The following BBS9 variants were observed in gnomAD, a reference collection of about 807,000 sequenced individuals.
BBS9 encodes Bardet-Biedl syndrome 9, also known as protein PTHB1.
In BBS9, 89 loss-of-function variants were observed where a neutral mutation model predicts 117.7. The ratio of observed to expected loss-of-function variants is 0.76; its 90% CI spans 0.64 to 0.90. BBS9 has a LOEUF of 0.90. Ranked by LOEUF, BBS9 falls within the 40% of genes least tolerant of loss-of-function variation. The pLI, the probability that BBS9 is intolerant of heterozygous loss-of-function variation, is 0.00. For missense variants in BBS9, 982 were observed against 1,042.2 expected, an observed-to-expected ratio of 0.94 and a Z score of 0.80; for synonymous variants, 379 against 370.9, an observed-to-expected ratio of 1.02 and a Z score of -0.25.
chr7:33,166,960 G>C (rs774199315), intron 4 of BBS9, among the ~76,000 whole-genome samples: 1 of 152,186 alleles, frequency 6.6e-6, no homozygotes. Context: ...CCCGTCTTCT[G>C]TGTCAGTCAC....
rs887600883 is a variant in BBS9 at position 33,303,760 on chromosome 7, C to T, written c.1016+29804C>T. Among the ~76,000 whole-genome samples, 13 of 152,168 alleles carry T rather than the reference C, an allele frequency of 8.5e-5. No homozygotes were observed. In the East Asian group the frequency reaches 1.2e-3, roughly 14 times the overall value. On this transcript the variant is annotated intron_variant, in intron 9 of 22. Coordinates refer to ENST00000242067, the MANE Select transcript of BBS9 (RefSeq NM_198428.3). Reference sequence around the variant, plus strand: ...CTGACCTCGAGTGATCTGCCTGCCTCGGACTCCCGAGGTGCTGGGATTGCA... The same window carrying T: ...CTGACCTCGAGTGATCTGCCTGCCTTGGACTCCCGAGGTGCTGGGATTGCA...
intron 1 of BBS9, among the ~76,000 whole-genome samples, chr7:33,138,765 G>C (rs1045030597): frequency 1.4e-4 from 20 of 146,092 alleles, no homozygotes; most frequent in Admixed American, 5.4e-4. Context: ...TTTTTTTGGT[G>C]GGGGGGAAAG....
intron 19 of BBS9, among the ~76,000 whole-genome samples, chr7:33,474,145 A>G (rs1841476279): frequency 6.6e-6 from 1 of 152,060 alleles, no homozygotes; most frequent in Admixed American, 6.6e-5. Flanking sequence ...CCTGTGGTGA[A>G]CCTTTGATTA....
At chr7:33,392,759 A>G (rs1419682717) in intron 19 of BBS9, among the ~76,000 whole-genome samples, 1 of 152,178 alleles carries the variant, frequency 6.6e-6, no homozygotes, top group African/African-American at 2.4e-5. Flanking sequence ...TTGACATTTA[A>G]ACTTAAATTT....
At chr7:33,344,091 T>G (rs942766465) in intron 11 of BBS9, among the ~76,000 whole-genome samples, 4 of 138,584 alleles carry the variant, frequency 2.9e-5, no homozygotes, top group African/African-American at 5.5e-5. Flanking sequence ...TTTTTTTTTT[T>G]TTTTTTTTTT....
At chr7:33,359,084 CT>C (rs1820149754) in intron 16 of BBS9, among the ~76,000 whole-genome samples, 1 of 151,772 alleles carries the variant, frequency 6.6e-6, no homozygotes, top group African/African-American at 2.4e-5. Flanking sequence ...CCCATCTCTT[CT>C]TTTACCTCCT....
At chr7:33,498,821 A>G (rs1448782623) in intron 19 of BBS9, among the ~76,000 whole-genome samples, 1 of 152,168 alleles carries the variant, frequency 6.6e-6, no homozygotes, top group Non-Finnish European at 1.5e-5. Context: ...TGCTATAACT[A>G]TTCGTGAGCA....
intron 20 of BBS9, among the ~76,000 whole-genome samples, chr7:33,530,433 C>T (rs1850399479): frequency 6.6e-6 from 1 of 152,160 alleles, no homozygotes; most frequent in South Asian, 2.1e-4. Flanking sequence ...CAGTAGTTTG[C>T]TTAAATGAAT....
chr7:33,474,858 T>C (rs1193435706), intron 19 of BBS9, among the ~76,000 whole-genome samples: 1 of 152,122 alleles, frequency 6.6e-6, no homozygotes, highest in Admixed American at 6.5e-5. Context: ...AGGCAGAGAA[T>C]TGCTTGAACC....
intron 5 of BBS9, among the ~76,000 whole-genome samples, chr7:33,203,876 C>G (rs1786385163): frequency 1.3e-5 from 2 of 151,688 alleles, no homozygotes; most frequent in South Asian, 2.1e-4. Flanking sequence ...GCGTGTGACA[C>G]CACGCCCGTC....
At chr7:33,143,464 G>T (rs1791846155) in intron 1 of BBS9, among the ~76,000 whole-genome samples, 1 of 151,872 alleles carries the variant, frequency 6.6e-6, no homozygotes, top group South Asian at 2.1e-4. Context: ...TGGATGTGAG[G>T]TGATATTGTT....
chr7:33,411,058 G>A (rs1285508739), intron 19 of BBS9, among the ~76,000 whole-genome samples: 3 of 133,860 alleles, frequency 2.2e-5, no homozygotes, highest in Admixed American at 8.7e-5. Context: ...ATATAGTGCA[G>A]ACCCTGTATA....
At chr7:33,392,471 A>G (rs760673948) in intron 19 of BBS9, among the ~76,000 whole-genome samples, 11 of 152,118 alleles carry the variant, frequency 7.2e-5, no homozygotes, top group Non-Finnish European at 1.5e-4. Flanking sequence ...TCACATGGTG[A>G]CTATATGTCC....
At chr7:33,367,953 G>A (rs2128714651) in intron 17 of BBS9, 91 bp downstream of exon 17, 3 of 1,016,898 alleles carry the variant, frequency 3.0e-6, no homozygotes, top group Non-Finnish European at 4.6e-6. Flanking sequence ...TCCTGCAAAG[G>A]GTGATGTTCA....
chr7:33,466,211 T>C (rs1046586086), intron 19 of BBS9, among the ~76,000 whole-genome samples: 1 of 152,118 alleles, frequency 6.6e-6, no homozygotes, highest in African/African-American at 2.4e-5. Flanking sequence ...CAATACAGTA[T>C]TATTAACTAT....
At chr7:33,160,708 A>G (rs1007249462) in intron 4 of BBS9, among the ~76,000 whole-genome samples, 1 of 152,022 alleles carries the variant, frequency 6.6e-6, no homozygotes, top group Non-Finnish European at 1.5e-5. Context: ...TTGAGTTGTG[A>G]GATTATTAAC....
chr7:33,555,532 G>A (rs73109657), intron 21 of BBS9, among the ~76,000 whole-genome samples: 17,207 of 152,168 alleles, frequency 0.11, 1,182 homozygotes, highest in African/African-American at 0.2. Flanking sequence ...AGCAGCAAGC[G>A]TGATGAAGAG....
chr7:33,134,060 T>C (rs1335782061), intron 1 of BBS9, among the ~76,000 whole-genome samples: 1 of 152,154 alleles, frequency 6.6e-6, no homozygotes, highest in African/African-American at 2.4e-5. Flanking sequence ...GCTGAGCATT[T>C]TTTTTTTGAA....
chr7:33,407,899 A>G (rs1032140695), intron 19 of BBS9, among the ~76,000 whole-genome samples: 1 of 152,212 alleles, frequency 6.6e-6, no homozygotes, highest in Admixed American at 6.5e-5. Flanking sequence ...GGGACCCACT[A>G]GAGGAGGCAG....
Sources: allele counts gnomAD v4.1 joint callset (sites outside exome capture counted in the v4.1 genomes callset), GRCh38; gene constraint gnomAD v4.1.1; transcripts MANE v1.5; gene names NCBI Gene and HGNC (gene_info 2026-07-23, HGNC 2026-07-21).